PTPRG: variants seen among roughly 807,000 people sequenced by gnomAD.
PTPRG encodes the protein protein tyrosine phosphatase receptor type G.
Under a neutral mutation model 165.3 loss-of-function variants are expected in PTPRG, and 102 were observed. That is an observed-to-expected ratio of 0.62 (90% confidence interval 0.53 to 0.73). The LOEUF is 0.73. PTPRG is among the 30% of genes least tolerant of loss of function. The probability of loss-of-function intolerance (pLI) is 0.00; values close to 1 mark genes in which losing one functional copy is unlikely to be tolerated. For missense variants in PTPRG, 1,866 were observed against 1,861.4 expected (o/e 1.00, Z -0.05); for synonymous variants, 675 against 669.5 (o/e 1.01, Z -0.13).
At chr3:62,055,147 T>C (rs1382624202) in intron 4 of PTPRG, among the ~76,000 whole-genome samples, 1 of 152,240 alleles carries the variant, frequency 6.6e-6, no homozygotes, top group Non-Finnish European at 1.5e-5. Context: ...GGCCCAATTA[T>C]GTTTCAAGTA....
At position 62,210,341 on chromosome 3, in the gene PTPRG, A is replaced by G. The variant is rs1700329691; in HGVS notation, c.2155+6391A>G. On this transcript the variant is annotated intron_variant, in intron 12 of 29. Coordinates refer to ENST00000474889, the MANE Select transcript of PTPRG (RefSeq NM_002841.4). This position sits in a 1 kb window ranked among gnomAD's most constrained non-coding sequence, Gnocchi z 4.1. The stretch of plus-strand genomic sequence containing the variant: ...CAGGGCTCCAGAAAAATAAAAGGCC[A>G]GTTTTGTGGCCCTGTAAAAACAGCA... 6.6e-6 allele frequency among the ~76,000 whole-genome samples: 1 copy of G among 152,184 alleles called. No homozygotes were observed. The highest frequency in any genetic ancestry group is 1.5e-5 in the Non-Finnish European group (1 of 68,040).
intron 2 of PTPRG, among the ~76,000 whole-genome samples, chr3:61,886,196 T>C (rs2038032470): frequency 6.6e-6 from 1 of 152,150 alleles, no homozygotes; most frequent in Admixed American, 6.5e-5. Context: ...TCAGAAGAAC[T>C]GTCTTCCTTC....
At chr3:61,622,846 T>C (rs1482091671) in intron 1 of PTPRG, among the ~76,000 whole-genome samples, 1 of 152,224 alleles carries the variant, frequency 6.6e-6, no homozygotes, top group Non-Finnish European at 1.5e-5. Flanking sequence ...TTAAGTGCCA[T>C]AGTCACTTCT....
At chr3:62,165,774 C>A (rs7612628) in intron 7 of PTPRG, among the ~76,000 whole-genome samples, 12,549 of 152,092 alleles carry the variant, frequency 0.083, 1,469 homozygotes, top group African/African-American at 0.26. Context: ...TCATATACTT[C>A]AATGATTTTT....
intron 5 of PTPRG, among the ~76,000 whole-genome samples, chr3:62,116,759 A>G (rs72891412): frequency 7.2e-4 from 110 of 152,334 alleles, no homozygotes; most frequent in Middle Eastern, 3.4e-3. Flanking sequence ...TTACACCTCA[A>G]TGAAAAATAA....
intron 1 of PTPRG, among the ~76,000 whole-genome samples, chr3:61,635,435 C>T (rs755203406): frequency 6.6e-6 from 1 of 151,624 alleles, no homozygotes; most frequent in Non-Finnish European, 1.5e-5. Flanking sequence ...CAGCTCACTG[C>T]AACCTTGGCC....
chr3:62,262,699 C>A, intron 16 of PTPRG, 99 bp from the exon 17 acceptor site: 1 of 649,090 alleles, frequency 1.5e-6, no homozygotes, highest in Non-Finnish European at 2.5e-6. Flanking sequence ...GTAACGGTGG[C>A]TGTGGCCAGG....
At chr3:61,732,788 C>T (rs569727280) in intron 1 of PTPRG, among the ~76,000 whole-genome samples, 1 of 152,224 alleles carries the variant, frequency 6.6e-6, no homozygotes, top group African/African-American at 2.4e-5. Flanking sequence ...GCGACAGTGT[C>T]GGACAGCACA....
chr3:62,160,339 A>T (rs143275897), intron 7 of PTPRG, among the ~76,000 whole-genome samples: 18 of 152,312 alleles, frequency 1.2e-4, no homozygotes, highest in African/African-American at 3.8e-4. Flanking sequence ...CAGCCTGTGC[A>T]CTTGTACCTC....
intron 4 of PTPRG, among the ~76,000 whole-genome samples, chr3:62,063,145 C>T (rs761731995): frequency 6.6e-5 from 10 of 152,184 alleles, no homozygotes; most frequent in Non-Finnish European, 8.8e-5. Context: ...TCTTAGCACC[C>T]GATGAGGCAG....
chr3:62,136,656 G>C (rs887061882), intron 6 of PTPRG, among the ~76,000 whole-genome samples: 33 of 152,296 alleles, frequency 2.2e-4, no homozygotes, highest in African/African-American at 7.5e-4. Flanking sequence ...CATGGGGGCA[G>C]GTCTTTCCTC....
At chr3:61,935,704 T>A (rs2039469258) in intron 2 of PTPRG, among the ~76,000 whole-genome samples, 2 of 150,246 alleles carry the variant, frequency 1.3e-5, no homozygotes, top group Non-Finnish European at 2.9e-5. Context: ...TTTTTTTTTT[T>A]AATGTTGTAA....
intron 2 of PTPRG, among the ~76,000 whole-genome samples, chr3:61,916,886 G>T (rs1007948086): frequency 6.6e-6 from 1 of 152,138 alleles, no homozygotes; most frequent in South Asian, 2.1e-4. Flanking sequence ...ATCCTACCCA[G>T]TGCCTTTTTA....
chr3:61,845,201 C>T (rs1432321706), intron 2 of PTPRG, among the ~76,000 whole-genome samples: 1 of 152,124 alleles, frequency 6.6e-6, no homozygotes, highest in African/African-American at 2.4e-5. Flanking sequence ...TTAAAAGGCA[C>T]CTGCCAAATA....
chr3:61,965,416 A>G (rs1472746538), intron 2 of PTPRG, among the ~76,000 whole-genome samples: 1 of 145,150 alleles, frequency 6.9e-6, no homozygotes, highest in African/African-American at 2.6e-5. Context: ...TGAACCCAGG[A>G]GGTGGAGGTT....
intron 2 of PTPRG, among the ~76,000 whole-genome samples, chr3:61,787,298 A>G (rs934454510): frequency 4.6e-5 from 7 of 152,222 alleles, no homozygotes; most frequent in African/African-American, 1.7e-4. Flanking sequence ...ATTACTCTGG[A>G]AAGAATCCGG....
rs35605831 is a variant in PTPRG at position 62,064,721 on chromosome 3, A to ATT, written c.520-13415_520-13414dup. Among the ~76,000 whole-genome samples the ATT allele has an allele frequency of 1.2e-3, 74 of 62,932 alleles. 4 individuals are homozygous for ATT. The highest frequency in any genetic ancestry group is 3.1e-3 in the African/African-American group (49 of 15,950). 41.3% of individuals were successfully genotyped at this position (62,932 alleles called of 152,430 possible). A position where few individuals can be genotyped will look rare whatever the true frequency, so the allele number is the denominator to read the frequency against. ...GATTCTTTACTTACTGGTTATTTGG[A>ATT]TTTTTTTTTTTTTTTTTTTTTTTTT... is the stretch of plus-strand genomic sequence containing the variant. On this transcript the variant is annotated intron_variant, in intron 4 of 29. Coordinates refer to ENST00000474889, the MANE Select transcript of PTPRG (RefSeq NM_002841.4).
chr3:61,748,455 T>C (rs1204961914), intron 1 of PTPRG, among the ~76,000 whole-genome samples: 7 of 152,224 alleles, frequency 4.6e-5, no homozygotes, highest in Non-Finnish European at 2.9e-5. Flanking sequence ...TGTAAACTTA[T>C]ACATGCAGTT....
chr3:61,874,083 C>T (rs2037657834), intron 2 of PTPRG, among the ~76,000 whole-genome samples: 1 of 152,166 alleles, frequency 6.6e-6, no homozygotes, highest in African/African-American at 2.4e-5. Context: ...GTAAAAGACA[C>T]TCAAATCAGA....
Sources: gnomAD v4.1 joint callset for allele counts (sites outside exome capture counted in the v4.1 genomes callset) on GRCh38, gnomAD v4.1.1 for gene constraint, Gnocchi (gnomAD v3.1) non-coding constraint, MANE v1.5 for transcripts, NCBI Gene and HGNC (gene_info 2026-07-23, HGNC 2026-07-21) for gene names.